Variants in DDR1 observed in about 807,000 individuals in gnomAD.
DDR1 encodes the protein epithelial discoidin domain-containing receptor 1.
Under a neutral mutation model 97.4 loss-of-function variants are expected in DDR1, and 64 were observed. That is an observed-to-expected ratio of 0.66 (90% CI 0.54 to 0.81). The LOEUF (loss-of-function observed/expected upper bound fraction) is 0.81. DDR1 is among the 30% of genes least tolerant of loss of function. The probability of loss-of-function intolerance (pLI) is 0.00; values close to 1 mark genes in which losing one functional copy is unlikely to be tolerated. For missense variants in DDR1, 990 were observed against 1,259.6 expected (o/e 0.79, Z 3.24); for synonymous variants, 458 against 503.7 (o/e 0.91, Z 1.21).
chr6:30,881,938 C>G (rs572447391), upstream of DDR1: 14 of 153,360 alleles, frequency 9.1e-5, no homozygotes, highest in Admixed American at 3.3e-4. Flanking sequence ...GCTACGTCAT[C>G]TCAATCTCCT....
In DDR1 at chr6:30,889,475, A is replaced by G; in HGVS notation, c.417+45A>G. 2 of 1,379,842 alleles carry G rather than the reference A, an allele frequency of 1.4e-6. No individual in the cohort carries two copies. Among genetic ancestry groups the G allele is most frequent in the Non-Finnish European group, 1.9e-6 (2 of 1,038,704 alleles). The allele number at this position is 1,379,842 out of a possible 1,614,324, so 85.5% of individuals were successfully genotyped here. The stretch of plus-strand genomic sequence containing the variant: ...CACCCAGAGGAGGTTGGCTCTCCTC[A>G]CTTCCAGCTGTACTTTAAACACCAC... On this transcript the variant is annotated intron_variant, in intron 4 of 17. Coordinates refer to ENST00000376568, the MANE Select transcript of DDR1 (RefSeq NM_001297654.2). This position sits in a 1 kb window ranked among gnomAD's most constrained non-coding sequence, Gnocchi z 4.9.
chr6:30,898,758 A>G, intron 16 of DDR1, 130 bp from the exon 17 acceptor site: 1 of 968,656 alleles, frequency 1.0e-6, no homozygotes, highest in Non-Finnish European at 1.6e-6. Flanking sequence ...AGGAGAGTGG[A>G]GAGCCTGGCG....
rs1192726401 is a variant in DDR1 at position 30,900,114 on chromosome 6, C to T, written c.*818C>T. 1 of 592,870 alleles carries T rather than the reference C, an allele frequency of 1.7e-6. No individual in the cohort carries two copies. The allele number at this position is 592,870 out of a possible 1,614,324, so 36.7% of individuals were successfully genotyped here. ...GACCTAGCTTGAGGCAATTTTAATC[C>T]CCTGCACTAGGCAGGTAATAATAAA... On this transcript the variant is annotated 3_prime_UTR_variant, in exon 18 of 18. Coordinates refer to ENST00000376568, the MANE Select transcript of DDR1 (RefSeq NM_001297654.2).
chr6:30,893,448 G>A (rs3213644), intron 10 of DDR1, 25 bp downstream of exon 10: 309,009 of 1,588,482 alleles, frequency 0.19, 38,157 homozygotes, highest in East Asian at 0.56. Context: ...GGCATGTGGA[G>A]TGGCGGGGGG....
chr6:30,895,017 A>G (rs1337708529), intron 11 of DDR1, among the ~76,000 whole-genome samples: 1 of 151,944 alleles, frequency 6.6e-6, no homozygotes, highest in African/African-American at 2.4e-5. Context: ...CCTTCCATCC[A>G]TAGTCATACA....
In DDR1 at chr6:30,899,889, T is replaced by C. The variant is rs8408; in HGVS notation, c.*593T>C. ...GCCCTCAGTCACCCCCACTTCCCAC[T>C]TGCAGTCTTGTAGCTAGAACTTCTC... On this transcript the variant is annotated 3_prime_UTR_variant, in exon 18 of 18. Transcript: ENST00000376568. 0.27 allele frequency: 124,995 copies of C among 457,820 alleles called. 21,483 individuals carry two copies. The highest frequency in any genetic ancestry group is 0.58 in the East Asian group (14,694 of 25,404). 28.4% of individuals were successfully genotyped at this position (457,820 alleles called of 1,614,324 possible).
In DDR1 at chr6:30,886,358, TC is replaced by T. The variant is rs1003022622; in HGVS notation, c.-43+1650del. ...GGCACCCAGGAATTCCAAGCCAGTC[TC>T]CTGGGACTCTGGCAGCCTGCTCCCC... On this transcript the variant is annotated intron_variant, in intron 1 of 17. Transcript: ENST00000376568. The surrounding 1 kb of genome is among the most constrained non-coding windows in gnomAD (Gnocchi z 4.6). Among the ~76,000 whole-genome samples the T allele has an allele frequency of 1.3e-5, 2 of 152,062 alleles. No homozygotes were observed. Among genetic ancestry groups the T allele is most frequent in the African/African-American group, 4.8e-5 (2 of 41,410 alleles).
At chr6:30,895,364 C>T (rs1313300622) in intron 11 of DDR1, 40 bp from the exon 12 acceptor site, 7 of 1,510,188 alleles carry the variant, frequency 4.6e-6, no homozygotes, top group South Asian at 1.2e-5. Flanking sequence ...CCTTGAGTCT[C>T]ATCCCTTCCC....
rs1237181480 is a variant in DDR1, at chr6:30,884,649, G to C, written c.-104G>C. On this transcript the variant is annotated 5_prime_UTR_variant, in exon 1 of 18. Transcript: ENST00000376568. The surrounding 1 kb of genome is among the most constrained non-coding windows in gnomAD (Gnocchi z 6.1). Reference sequence around the variant, plus strand: ...CTCCGCCTCCCCCGCCCCTCGCCCCGCCGCCGAAGAGGCCCCGCTCCCGGG... The same window carrying C: ...CTCCGCCTCCCCCGCCCCTCGCCCCCCCGCCGAAGAGGCCCCGCTCCCGGG... The C allele has an allele frequency of 6.6e-6, 1 of 151,838 alleles. No homozygotes were observed. The highest frequency in any genetic ancestry group is 6.6e-5 in the Admixed American group (1 of 15,244). The allele number at this position is 151,838 out of a possible 1,614,324, so 9.4% of individuals were successfully genotyped here.
At chr6:30,885,412 G>T in intron 1 of DDR1, 5 of 849,350 alleles carry the variant, frequency 5.9e-6, no homozygotes, top group Non-Finnish European at 7.2e-6. Context: ...GAGTGGAAAG[G>T]CAGGGAAAGG....
Position 30,891,448 on chromosome 6 carries a change from G to C in DDR1, c.634G>C (p.Asp212His). 1.2e-6 allele frequency: 2 copies of C among 1,612,940 alleles called. No individual in the cohort carries two copies. Among genetic ancestry groups the C allele is most frequent in the Non-Finnish European group, 8.5e-7 (1 of 1,179,982 alleles). The change falls in exon 6 of 18, where the codon GAC becomes CAC. Residue 212 changes from aspartate (D) to histidine (H), a missense_variant. By Grantham distance (81) the Asp-to-His change is moderately conservative (BLOSUM62 -1). Coordinates refer to ENST00000376568, the MANE Select transcript of DDR1 (RefSeq NM_001297654.2). The surrounding 1 kb of genome is among the most constrained non-coding windows in gnomAD (Gnocchi z 5.3). The stretch of plus-strand genomic sequence containing the variant: ...TTTATCTGAGGCCGTGTACCTCAAC[G>C]ACTCCACCTATGACGGACATACCGT... ...MYLSEAVYLN[D>H]STYDGHTVGG...
chr6:30,885,936 C>A, intron 1 of DDR1: 1 of 710,852 alleles, frequency 1.4e-6, no homozygotes, highest in Non-Finnish European at 2.2e-6. Context: ...CCTGGTTTGT[C>A]TTTGGTTGTA....
chr6:30,891,274 C>A lies in DDR1; in HGVS notation c.566-106C>A, dbSNP rs2150332150. ...GCATTGTCTCCTCCATGCCAATGAGCCAGTGGAGAGATACAAGAAGGGACC... is the reference window on the plus strand; with the variant it reads ...GCATTGTCTCCTCCATGCCAATGAGACAGTGGAGAGATACAAGAAGGGACC... On this transcript the variant is annotated intron_variant, in intron 5 of 17. Transcript: ENST00000376568. The surrounding 1 kb of genome is among the most constrained non-coding windows in gnomAD (Gnocchi z 5.3). 2 of 1,395,636 alleles carry A rather than the reference C, an allele frequency of 1.4e-6. No homozygotes were observed. Among genetic ancestry groups the A allele is most frequent in the Non-Finnish European group, 2.0e-6 (2 of 1,007,962 alleles). 86.5% of individuals were successfully genotyped at this position (1,395,636 alleles called of 1,614,324 possible).
Position 30,900,153 on chromosome 6 carries a change from A to G in DDR1, c.*857A>G. 1.8e-6 allele frequency: 1 copy of G among 558,864 alleles called. No individual in the cohort carries two copies. The highest frequency in any genetic ancestry group is 3.5e-6 in the Non-Finnish European group (1 of 286,510). The allele number at this position is 558,864 out of a possible 1,614,324, so 34.6% of individuals were successfully genotyped here. A position where few individuals can be genotyped will look rare whatever the true frequency, so the allele number is the denominator to read the frequency against. ...GGTAATAATAAAGGTTGAGTTTTCC[A>G]CAACTGTGTGAGTGGGTTCCTTGGG... On this transcript the variant is annotated 3_prime_UTR_variant, in exon 18 of 18. Coordinates refer to ENST00000376568, the MANE Select transcript of DDR1 (RefSeq NM_001297654.2).
At position 30,894,426 on chromosome 6, in the gene DDR1, G is replaced by C; in HGVS notation, c.1348-80G>C. 7.1e-7 allele frequency: 1 copy of C among 1,402,656 alleles called. No individual in the cohort carries two copies. Among genetic ancestry groups the C allele is most frequent in the Non-Finnish European group, 9.6e-7 (1 of 1,044,484 alleles). The allele number at this position is 1,402,656 out of a possible 1,614,324, so 86.9% of individuals were successfully genotyped here. On this transcript the variant is annotated intron_variant, in intron 10 of 17. Transcript: ENST00000376568. This position sits in a 1 kb window ranked among gnomAD's most constrained non-coding sequence, Gnocchi z 5.7. The stretch of plus-strand genomic sequence containing the variant: ...GGGCTCTTGTGAGGGCTGAGGGAGG[G>C]AACGCAGGGATGGACACAGCAGAGG...
Position 30,889,388 on chromosome 6 carries a change from T to C in DDR1, c.375T>C (p.Asp125=), listed in dbSNP as rs1562376602. The C allele has an allele frequency of 6.3e-7, 1 of 1,591,852 alleles. No homozygotes were observed. Among genetic ancestry groups the C allele is most frequent in the Admixed American group, 1.7e-5 (1 of 58,218 alleles). ...GCTACCGGCTGCGTTACTCCCGGGA[T>C]GGTCGCCGCTGGATGGGCTGGAAGG... ...SRSYRLRYSR[D]GRRWMGWKDR... The change falls in exon 4 of 18, where the codon GAT becomes GAC. Residue 125 remains aspartate, a synonymous_variant. Coordinates refer to ENST00000376568, the MANE Select transcript of DDR1 (RefSeq NM_001297654.2). This position sits in a 1 kb window ranked among gnomAD's most constrained non-coding sequence, Gnocchi z 4.9.
chr6:30,891,401 C>T lies in DDR1; in HGVS notation c.587C>T (p.Ala196Val). The T allele has an allele frequency of 6.2e-7, 1 of 1,612,930 alleles. No individual in the cohort carries two copies. Among genetic ancestry groups the T allele is most frequent in the East Asian group, 2.2e-5 (1 of 44,886 alleles). Residue 196 changes from alanine to valine, a missense_variant, in exon 6 of 18, where the codon GCC becomes GTC. By Grantham distance (64) the Ala-to-Val change is moderately conservative. Transcript: ENST00000376568. This position sits in a 1 kb window ranked among gnomAD's most constrained non-coding sequence, Gnocchi z 5.3. The stretch of plus-strand genomic sequence containing the variant: ...CCAGATGGACTCCTGTCTTACACCG[C>T]CCCTGTGGGGCAGACAATGTATTTA... ...LWRDGLLSYTAPVGQTMYLSE... is the reference protein window; with the variant it reads ...LWRDGLLSYTVPVGQTMYLSE...
Position 30,890,612 on chromosome 6 carries a change from G to C in DDR1, c.418-361G>C, listed in dbSNP as rs1271810394. On this transcript the variant is annotated intron_variant, in intron 4 of 17. Coordinates refer to ENST00000376568, the MANE Select transcript of DDR1 (RefSeq NM_001297654.2). The surrounding 1 kb of genome is among the most constrained non-coding windows in gnomAD (Gnocchi z 5.0). ...CCAACTTCTGCTGAATGAACAGAGG[G>C]AATGGGCTGAAATGAAGGGGAAGCT... The C allele has an allele frequency of 3.0e-5, 7 of 235,472 alleles. No homozygotes were observed. The Admixed American group carries it at 3.4e-4, about 11-fold the overall frequency. The allele number at this position is 235,472 out of a possible 1,614,324, so 14.6% of individuals were successfully genotyped here. A position where few individuals can be genotyped will look rare whatever the true frequency, so the allele number is the denominator to read the frequency against.
In DDR1 at chr6:30,891,564, T is replaced by TGA. The variant is rs1788354012; in HGVS notation, c.665+86_665+87insAG. The TGA allele has an allele frequency of 2.5e-5, 23 of 928,376 alleles. No homozygotes were observed. The highest frequency in any genetic ancestry group is 1.1e-4 in the Admixed American group (5 of 47,478). 57.5% of individuals were successfully genotyped at this position (928,376 alleles called of 1,614,324 possible). On this transcript the variant is annotated intron_variant, in intron 6 of 17. Coordinates refer to ENST00000376568, the MANE Select transcript of DDR1 (RefSeq NM_001297654.2). The surrounding 1 kb of genome is among the most constrained non-coding windows in gnomAD (Gnocchi z 5.3). ...GTGTGTGTGTGTGTGTGTGAGAGTG[T>TGA]GTGTGTGTAGGGGGGCTGGTAAGTA... is the stretch of plus-strand genomic sequence containing the variant.
Sources: allele counts gnomAD v4.1 joint callset (sites outside exome capture counted in the v4.1 genomes callset), GRCh38; gene constraint gnomAD v4.1.1; non-coding constraint Gnocchi (gnomAD v3.1); transcripts MANE v1.5; gene names NCBI Gene and HGNC (gene_info 2026-07-23, HGNC 2026-07-21).